GRM5: variants seen among roughly 807,000 people sequenced by gnomAD.
GRM5 encodes metabotropic glutamate receptor 5.
In GRM5, 19 loss-of-function variants were observed where a neutral mutation model predicts 83.1. That is an observed-to-expected ratio of 0.23 (90% confidence interval 0.16 to 0.34). The LOEUF is 0.34. Among genes scored for constraint, GRM5 ranks in the 10% least tolerant of loss-of-function variants. The probability of loss-of-function intolerance (pLI) is 1.00; values close to 1 mark genes in which losing one functional copy is unlikely to be tolerated. For missense variants in GRM5, 1,160 were observed against 1,588.3 expected (o/e 0.73, Z 4.58); for synonymous variants, 675 against 633.6 (o/e 1.07, Z -0.98).
intron 7 of GRM5, among the ~76,000 whole-genome samples, chr11:88,574,916 G>A (rs1943074618): frequency 6.6e-6 from 1 of 151,584 alleles, no homozygotes; most frequent in Non-Finnish European, 1.5e-5. Context: ...TTTAGAAAGT[G>A]CCATCCAACT....
At chr11:88,517,882 A>G (rs1345067911) in intron 9 of GRM5, among the ~76,000 whole-genome samples, 1 of 152,134 alleles carries the variant, frequency 6.6e-6, no homozygotes, top group Non-Finnish European at 1.5e-5. Flanking sequence ...ATTATCTACA[A>G]AAACTATACA....
rs539737998 is a variant in GRM5 at position 88,766,605 on chromosome 11, G to A, written c.911+83301C>T. Among the ~76,000 whole-genome samples the A allele has an allele frequency of 7.9e-5, 12 of 152,074 alleles. No homozygotes were observed. The East Asian group carries it at 2.3e-3, about 29-fold the overall frequency. On this transcript the variant is annotated intron_variant, in intron 3 of 9. Transcript: ENST00000305447. ...AAAATCCAAAACTATAAAAATCCTG[G>A]AAGATAACCTAGGCAATCGCATTCT...
intron 4 of GRM5, among the ~76,000 whole-genome samples, chr11:88,617,253 A>G (rs578239249): frequency 6.6e-6 from 1 of 152,324 alleles, no homozygotes; most frequent in African/African-American, 2.4e-5. Flanking sequence ...ATCAAGATGG[A>G]GTAAGCACAC....
At chr11:88,870,616 C>A (rs1357671589) in intron 2 of GRM5, among the ~76,000 whole-genome samples, 1 of 151,542 alleles carries the variant, frequency 6.6e-6, no homozygotes, top group Non-Finnish European at 1.5e-5. Flanking sequence ...GATAGACCAA[C>A]TAACAGATAG....
At chr11:89,024,225 A>C (rs1941071929) in intron 2 of GRM5, among the ~76,000 whole-genome samples, 1 of 152,192 alleles carries the variant, frequency 6.6e-6, no homozygotes, top group African/African-American at 2.4e-5. Context: ...ATAAATAAAT[A>C]ATAAAGTTAT....
At chr11:88,809,148 C>A (rs1943546812) in intron 3 of GRM5, among the ~76,000 whole-genome samples, 1 of 151,966 alleles carries the variant, frequency 6.6e-6, no homozygotes, top group South Asian at 2.1e-4. Context: ...AAGAACAAAG[C>A]ATTATCTCAT....
chr11:89,062,976 G>GAACACC (rs1241587961), intron 1 of GRM5, among the ~76,000 whole-genome samples: 4 of 152,276 alleles, frequency 2.6e-5, no homozygotes, highest in Non-Finnish European at 4.4e-5. Flanking sequence ...GCTCAGGCTG[G>GAACACC]TGTTCAAAGA....
chr11:88,634,569 C>G (rs1455382465), intron 4 of GRM5, among the ~76,000 whole-genome samples: 1 of 152,132 alleles, frequency 6.6e-6, no homozygotes, highest in Non-Finnish European at 1.5e-5. Flanking sequence ...ACCTCCACAT[C>G]TCATCCTACC....
intron 2 of GRM5, among the ~76,000 whole-genome samples, chr11:89,034,364 CA>C (rs905041216): frequency 1.3e-5 from 2 of 151,840 alleles, no homozygotes; most frequent in African/African-American, 2.4e-5. Context: ...TTATATTAAA[CA>C]AAAACACGAC....
intron 3 of GRM5, among the ~76,000 whole-genome samples, chr11:88,799,240 TA>T (rs1369801451): frequency 2.6e-5 from 4 of 152,124 alleles, no homozygotes; most frequent in African/African-American, 9.7e-5. Context: ...AGATTTGCAT[TA>T]ATTTTCTAAA....
In GRM5 at chr11:88,551,182, G is replaced by C. The variant is rs1371723654; in HGVS notation, c.2630+15871C>G. Among the ~76,000 whole-genome samples the C allele has an allele frequency of 3.9e-5, 6 of 152,110 alleles. No homozygotes were observed. In the East Asian group the frequency reaches 1.2e-3, roughly 29 times the overall value. The stretch of plus-strand genomic sequence containing the variant: ...GTTCAGTGAATGTCTATGTGGTACT[G>C]ACAGTAGTACCTGCTACATCATAAA... On this transcript the variant is annotated intron_variant, in intron 8 of 9. Coordinates refer to ENST00000305447, the MANE Select transcript of GRM5 (RefSeq NM_001143831.3).
chr11:88,513,081 A>G (rs182065584), intron 9 of GRM5, among the ~76,000 whole-genome samples: 17 of 152,246 alleles, frequency 1.1e-4, no homozygotes, highest in African/African-American at 3.8e-4. Context: ...CTTTTTGCTT[A>G]ACTGTATCCT....
chr11:88,998,734 G>C (rs767000582), intron 2 of GRM5, among the ~76,000 whole-genome samples: 4 of 152,142 alleles, frequency 2.6e-5, no homozygotes, highest in African/African-American at 9.7e-5. Flanking sequence ...GTTCAGCAAA[G>C]CTTCAGTATT....
intron 3 of GRM5, among the ~76,000 whole-genome samples, chr11:88,838,855 A>T (rs1398665851): frequency 6.9e-6 from 1 of 144,114 alleles, no homozygotes; most frequent in Non-Finnish European, 1.5e-5. Context: ...ACCCACTGCC[A>T]CACCCCTTAT....
At chr11:88,855,826 A>G (rs1189412674) in intron 2 of GRM5, among the ~76,000 whole-genome samples, 2 of 151,984 alleles carry the variant, frequency 1.3e-5, no homozygotes, top group African/African-American at 4.8e-5. Context: ...CTGTGAGCCC[A>G]TAGAGGGTAG....
chr11:88,930,054 A>G (rs1937653756), intron 2 of GRM5, among the ~76,000 whole-genome samples: 1 of 152,130 alleles, frequency 6.6e-6, no homozygotes, highest in East Asian at 1.9e-4. Flanking sequence ...ATGTTTCTCA[A>G]GCTCAAAGAA....
chr11:88,742,756 G>C (rs1379344389), intron 3 of GRM5, among the ~76,000 whole-genome samples: 5 of 152,082 alleles, frequency 3.3e-5, no homozygotes, highest in African/African-American at 9.7e-5. Flanking sequence ...TTCTATTTGA[G>C]AATCTGTGGG....
intron 3 of GRM5, among the ~76,000 whole-genome samples, chr11:88,769,030 T>C (rs1034683184): frequency 1.3e-5 from 2 of 152,082 alleles, no homozygotes; most frequent in Non-Finnish European, 2.9e-5. Flanking sequence ...ATGGAATCTG[T>C]AAGACTAGGC....
At chr11:88,919,175 G>GAA (rs1266732475) in intron 2 of GRM5, among the ~76,000 whole-genome samples, 1 of 125,024 alleles carries the variant, frequency 8.0e-6, no homozygotes, top group Non-Finnish European at 1.7e-5. Context: ...GACATACACT[G>GAA]AAAAAAAAAA....
Sources: allele counts gnomAD v4.1 joint callset (sites outside exome capture counted in the v4.1 genomes callset), GRCh38; gene constraint gnomAD v4.1.1; transcripts MANE v1.5; gene names NCBI Gene and HGNC (gene_info 2026-07-23, HGNC 2026-07-21).